DMD: variants seen among roughly 807,000 people sequenced by gnomAD.
DMD encodes mutant dystrophin.
In DMD, 63 loss-of-function variants were observed where a neutral mutation model predicts 330.1. The observed-to-expected ratio is 0.19, with a 90% CI of 0.16 to 0.24. DMD has a LOEUF of 0.24. Ranked by LOEUF, DMD falls within the 10% of genes least tolerant of loss-of-function variation. The pLI is 1.00. For synonymous variants in DMD, 1,223 were observed against 959.8 expected, an observed-to-expected ratio of 1.27 and a Z score of -5.07; for missense variants, 3,344 against 2,684.1, an observed-to-expected ratio of 1.25 and a Z score of -5.43.
chrX:31,643,604 T>C (rs1022490514), intron 54 of DMD, among the ~76,000 whole-genome samples: 1 of 112,052 alleles, frequency 8.9e-6, no homozygotes, highest in Admixed American at 9.5e-5. Context: ...GTGAAATATG[T>C]GCTCAAATGA....
intron 2 of DMD, among the ~76,000 whole-genome samples, chrX:32,881,129 T>C (rs975829941): frequency 3.6e-5 from 4 of 112,380 alleles, no homozygotes; most frequent in Non-Finnish European, 7.5e-5. Context: ...CTAGGAACTG[T>C]AGATGCCAGT....
At chrX:33,165,802 G>T (rs2148679569) in intron 1 of DMD, among the ~76,000 whole-genome samples, 1 of 111,301 alleles carries the variant, frequency 9.0e-6, no homozygotes, top group East Asian at 2.8e-4. Flanking sequence ...CTCATGCACA[G>T]AAAATAAAAT....
intron 1 of DMD, among the ~76,000 whole-genome samples, chrX:33,318,108 C>G (rs753998048): frequency 9.0e-6 from 1 of 111,124 alleles, no homozygotes; most frequent in South Asian, 3.8e-4. Context: ...TTAATCAATA[C>G]AGTAATAGAG....
intron 55 of DMD, among the ~76,000 whole-genome samples, chrX:31,622,877 T>TACACAC (rs1169355719): frequency 1.0e-3 from 72 of 70,307 alleles, no homozygotes; most frequent in African/African-American, 1.4e-3. Context: ...TATATATATA[T>TACACAC]ACACACACAC....
intron 13 of DMD, among the ~76,000 whole-genome samples, chrX:32,592,099 C>T (rs1467069597): frequency 9.0e-6 from 1 of 111,217 alleles, no homozygotes; most frequent in Non-Finnish European, 1.9e-5. Flanking sequence ...TATAAACTGC[C>T]TAGGCTACAT....
chrX:32,733,417 T>C (rs1395035083), intron 7 of DMD, among the ~76,000 whole-genome samples: 1 of 110,141 alleles, frequency 9.1e-6, no homozygotes, highest in Non-Finnish European at 1.9e-5. Context: ...GTGGACCTAA[T>C]AGACATCTAC....
At chrX:33,007,253 T>C (rs6631713) in intron 2 of DMD, among the ~76,000 whole-genome samples, 42,232 of 109,401 alleles carry the variant, frequency 0.39, 6,290 homozygotes, top group East Asian at 0.48. Context: ...CACTTGCAGA[T>C]CCTACCGCTC....
chrX:32,247,462 G>A (rs762702217), intron 43 of DMD, among the ~76,000 whole-genome samples: 1 of 111,866 alleles, frequency 8.9e-6, no homozygotes, highest in Admixed American at 9.5e-5. Flanking sequence ...AAACCTTAGT[G>A]ACAATTATTT....
intron 64 of DMD, among the ~76,000 whole-genome samples, chrX:31,218,577 A>G (rs1320260727): frequency 8.9e-6 from 1 of 111,993 alleles, no homozygotes; most frequent in African/African-American, 3.2e-5. Flanking sequence ...CTATAAGGAA[A>G]TGGAAGCCTT....
At chrX:32,233,646 TATTG>T (rs1292509815) in intron 43 of DMD, among the ~76,000 whole-genome samples, 1,283 of 102,207 alleles carry the variant, frequency 0.013, 14 homozygotes, top group African/African-American at 0.043. Context: ...TTTATTTATT[TATTG>T]AGACGGAGCT....
intron 18 of DMD, among the ~76,000 whole-genome samples, chrX:32,513,297 T>C (rs186449467): frequency 1.4e-3 from 160 of 112,517 alleles, no homozygotes; most frequent in Non-Finnish European, 2.3e-3. Flanking sequence ...CAAATGATTA[T>C]AAACACAGAC....
At chrX:31,658,865 T>G (rs572734498) in intron 53 of DMD, among the ~76,000 whole-genome samples, 1 of 111,762 alleles carries the variant, frequency 8.9e-6, no homozygotes, top group South Asian at 3.7e-4. Flanking sequence ...AACCTGAAAT[T>G]TCTATTAAAC....
intron 62 of DMD, among the ~76,000 whole-genome samples, chrX:31,276,616 T>A (rs1249436118): frequency 8.9e-6 from 1 of 112,031 alleles, no homozygotes; most frequent in African/African-American, 3.3e-5. Context: ...AAGGAATGCA[T>A]ACATATATTC....
chrX:31,721,702 CTCTCTCTCTCTCTCTCTATA>C (rs1189467085), intron 52 of DMD, among the ~76,000 whole-genome samples: 19 of 57,781 alleles, frequency 3.3e-4, no homozygotes, highest in Non-Finnish European at 4.3e-4. Context: ...CTCTCTCTCT[CTCTCTCTCTCTCTCTCTATA>C]TATATATATA....
intron 23 of DMD, among the ~76,000 whole-genome samples, chrX:32,465,884 T>C (rs771383181): frequency 9.0e-6 from 1 of 111,316 alleles, no homozygotes; most frequent in East Asian, 2.9e-4. Flanking sequence ...ACGCCTGGGC[T>C]GTTCAGGTCT....
rs189797393 is a variant in DMD, at chrX:33,084,424, G to A, written c.32-64224C>T. On this transcript the variant is annotated intron_variant, in intron 1 of 78. Coordinates refer to ENST00000357033, the MANE Select transcript of DMD (RefSeq NM_004006.3). ...TGTTATTACTCAAATCAGCAAATCG[G>A]TCTCCCCAGGCATTCGGGGAACAGA... 2.2e-3 allele frequency among the ~76,000 whole-genome samples: 243 copies of A among 112,265 alleles called. 1 individual carries two copies. The highest frequency in any genetic ancestry group is 7.5e-3 in the African/African-American group (232 of 30,964).
chrX:32,164,777 T>G (rs1268451806), intron 44 of DMD, among the ~76,000 whole-genome samples: 2 of 97,559 alleles, frequency 2.1e-5, no homozygotes, highest in African/African-American at 8.1e-5. Flanking sequence ...GAGGCAAAAA[T>G]GGTTTCGTGG....
chrX:31,133,492 G>A (rs190572773), intron 77 of DMD, among the ~76,000 whole-genome samples: 35 of 111,766 alleles, frequency 3.1e-4, no homozygotes, highest in Non-Finnish European at 6.2e-4. Flanking sequence ...GGTAAAATAC[G>A]CAAGGCCAAA....
At chrX:31,320,561 A>T (rs1417347155) in intron 62 of DMD, among the ~76,000 whole-genome samples, 3 of 111,823 alleles carry the variant, frequency 2.7e-5, no homozygotes, top group Non-Finnish European at 5.6e-5. Context: ...TTAGACCAAG[A>T]CGGCATCTCA....
Sources: allele counts gnomAD v4.1 joint callset (sites outside exome capture counted in the v4.1 genomes callset), GRCh38; gene constraint gnomAD v4.1.1; transcripts MANE v1.5; gene names NCBI Gene and HGNC (gene_info 2026-07-23, HGNC 2026-07-21).